The following ST6GAL1 variants were observed in gnomAD, a reference collection of about 807,000 sequenced individuals.
ST6GAL1 encodes ST6 beta-galactoside alpha-2,6-sialyltransferase 1.
Under a neutral mutation model 38.0 loss-of-function variants are expected in ST6GAL1, and 20 were observed. That is an observed-to-expected ratio of 0.53 (90% CI 0.37 to 0.77). The LOEUF (loss-of-function observed/expected upper bound fraction) is 0.77, where lower values mean the gene tolerates loss of function less well. ST6GAL1 is among the 30% of genes least tolerant of loss of function. ST6GAL1 has a pLI of 0.00. For missense variants in ST6GAL1, 432 were observed against 496.4 expected, an observed-to-expected ratio of 0.87 and a Z score of 1.23; for synonymous variants, 196 against 188.2, an observed-to-expected ratio of 1.04 and a Z score of -0.34.
At chr3:186,982,972 G>A (rs532392045) in intron 2 of ST6GAL1, among the ~76,000 whole-genome samples, 28 of 152,028 alleles carry the variant, frequency 1.8e-4, no homozygotes, top group South Asian at 4.2e-4. Flanking sequence ...ATGAGCCACC[G>A]CGCCCAGCCC....
At chr3:187,043,434 G>A (rs1440888427) in intron 4 of ST6GAL1, 124 bp downstream of exon 4, 28 of 1,387,052 alleles carry the variant, frequency 2.0e-5, no homozygotes, top group Non-Finnish European at 2.5e-5. Context: ...CCAGGGCAGT[G>A]TTTTTTTCAG....
At chr3:187,056,436 G>T (rs567187679) in intron 5 of ST6GAL1, among the ~76,000 whole-genome samples, 5 of 152,268 alleles carry the variant, frequency 3.3e-5, no homozygotes, top group Admixed American at 2.0e-4. Context: ...GCAGTGGCTG[G>T]TACCAGTTAT....
At chr3:187,036,500 G>A (rs1717934991) in intron 2 of ST6GAL1, among the ~76,000 whole-genome samples, 1 of 152,144 alleles carries the variant, frequency 6.6e-6, no homozygotes, top group South Asian at 2.1e-4. Context: ...AATCAGCCTA[G>A]GTGCCCATCA....
intron 2 of ST6GAL1, among the ~76,000 whole-genome samples, chr3:187,034,139 A>T (rs2108574229): frequency 6.6e-6 from 1 of 152,306 alleles, no homozygotes; most frequent in African/African-American, 2.4e-5. Context: ...CTCTGTTCAC[A>T]CAAAGTAGAA....
chr3:187,023,454 T>C (rs1423229538), intron 2 of ST6GAL1, among the ~76,000 whole-genome samples: 2 of 152,314 alleles, frequency 1.3e-5, no homozygotes, highest in East Asian at 3.9e-4. Flanking sequence ...CAGCATTTGC[T>C]GAAAGAATGA....
intron 2 of ST6GAL1, among the ~76,000 whole-genome samples, chr3:187,030,128 A>C: frequency 6.6e-6 from 1 of 152,254 alleles, no homozygotes; most frequent in East Asian, 1.9e-4. Flanking sequence ...TATTAATATC[A>C]CAAGGAGTTA....
At chr3:187,066,605 T>TGC (rs1560183478) in intron 5 of ST6GAL1, among the ~76,000 whole-genome samples, 16 of 99,950 alleles carry the variant, frequency 1.6e-4, no homozygotes, top group East Asian at 7.9e-4. Context: ...TGCGTGCGTG[T>TGC]GTGTGTGTGT....
chr3:186,969,090 G>A (rs1402865857), intron 2 of ST6GAL1, among the ~76,000 whole-genome samples: 21 of 141,916 alleles, frequency 1.5e-4, no homozygotes, highest in African/African-American at 5.3e-4. Flanking sequence ...CTCACTCTGT[G>A]GGCCAGGCTG....
At chr3:187,073,811 T>C (rs752026015) in intron 6 of ST6GAL1, 11 of 183,710 alleles carry the variant, frequency 6.0e-5, no homozygotes, top group Non-Finnish European at 1.1e-4. Context: ...TCCTATGCTC[T>C]AGTTTTCTCC....
rs190999472 is a variant in ST6GAL1 at position 186,997,521 on chromosome 3, T to C, written c.-183+33595T>C. Among the ~76,000 whole-genome samples the C allele has an allele frequency of 1.5e-4, 23 of 152,098 alleles. No individual in the cohort carries two copies. The East Asian group carries it at 4.4e-3, about 29-fold the overall frequency. ...CATGCCTCCCAACATTTTGAGAGGC[T>C]GAGGTGGGAGGATTGCTTGAGTCCA... is the stretch of plus-strand genomic sequence containing the variant. On this transcript the variant is annotated intron_variant, in intron 2 of 7. Coordinates refer to ENST00000169298, the MANE Select transcript of ST6GAL1 (RefSeq NM_173216.2).
chr3:187,005,824 C>G (rs1327759529), intron 2 of ST6GAL1, among the ~76,000 whole-genome samples: 1 of 152,070 alleles, frequency 6.6e-6, no homozygotes, highest in Non-Finnish European at 1.5e-5. Flanking sequence ...GAAAGTGCTA[C>G]TAGAATATGG....
intron 5 of ST6GAL1, among the ~76,000 whole-genome samples, chr3:187,069,407 A>C (rs1719285126): frequency 6.6e-6 from 1 of 150,784 alleles, no homozygotes; most frequent in African/African-American, 2.4e-5. Context: ...TCAAATTTCC[A>C]CCCCACCTTA....
intron 4 of ST6GAL1, among the ~76,000 whole-genome samples, chr3:187,048,479 G>A (rs1168130528): frequency 6.6e-6 from 1 of 152,102 alleles, no homozygotes; most frequent in Non-Finnish European, 1.5e-5. Context: ...CAGCTCCAAG[G>A]CATTCCCTGA....
rs1388041690 is a variant in ST6GAL1 at position 187,078,515 on chromosome 3, A to C, written c.*2712A>C. On this transcript the variant is annotated 3_prime_UTR_variant, in exon 8 of 8. Transcript: ENST00000169298. Reference sequence around the variant, plus strand: ...AAATGCTAATAATTACCCAAGGATTATGTCAAATTTTAAAATAAATGTGTG... The same window carrying C: ...AAATGCTAATAATTACCCAAGGATTCTGTCAAATTTTAAAATAAATGTGTG... 6.6e-6 allele frequency: 1 copy of C among 152,186 alleles called. No homozygotes were observed. Among genetic ancestry groups the C allele is most frequent in the Non-Finnish European group, 1.5e-5 (1 of 68,036 alleles). 9.4% of individuals were successfully genotyped at this position (152,186 alleles called of 1,614,324 possible). A position where few individuals can be genotyped will look rare whatever the true frequency, so the allele number is the denominator to read the frequency against.
At position 187,054,224 on chromosome 3, in the gene ST6GAL1, A is replaced by G. The variant is rs369319565; in HGVS notation, c.705+2878A>G. On this transcript the variant is annotated intron_variant, in intron 5 of 7. Coordinates refer to ENST00000169298, the MANE Select transcript of ST6GAL1 (RefSeq NM_173216.2). ...GCTGAGATGATGGGTTTTTCTAAAT[A>G]TACAATCATGTCATCTGCAAACAGG... is the stretch of plus-strand genomic sequence containing the variant. Among the ~76,000 whole-genome samples, 3 of 152,310 alleles carry G rather than the reference A, an allele frequency of 2.0e-5. No individual in the cohort carries two copies. The South Asian group carries it at 6.2e-4, about 32-fold the overall frequency.
intron 2 of ST6GAL1, among the ~76,000 whole-genome samples, chr3:186,979,588 A>G: frequency 6.6e-6 from 1 of 152,274 alleles, no homozygotes; most frequent in East Asian, 1.9e-4. Flanking sequence ...CTTAATACAT[A>G]GTGCTCGGGG....
At chr3:187,065,560 A>T (rs918167938) in intron 5 of ST6GAL1, among the ~76,000 whole-genome samples, 3 of 152,202 alleles carry the variant, frequency 2.0e-5, no homozygotes, top group African/African-American at 7.2e-5. Context: ...TGCAGTTTTG[A>T]CTATAAGAGT....
At chr3:186,967,664 C>T (rs892443700) in intron 2 of ST6GAL1, among the ~76,000 whole-genome samples, 8 of 152,218 alleles carry the variant, frequency 5.3e-5, no homozygotes, top group African/African-American at 1.7e-4. Flanking sequence ...GGTGCCCTGC[C>T]TTCAGCTTTG....
intron 2 of ST6GAL1, among the ~76,000 whole-genome samples, chr3:187,015,751 A>T (rs925453991): frequency 4.0e-5 from 6 of 151,806 alleles, no homozygotes; most frequent in African/African-American, 9.7e-5. Flanking sequence ...AGGTGGGAGG[A>T]TTGGTGGAGG....
Sources: gnomAD v4.1 joint callset for allele counts (sites outside exome capture counted in the v4.1 genomes callset) on GRCh38, gnomAD v4.1.1 for gene constraint, MANE v1.5 for transcripts, NCBI Gene and HGNC (gene_info 2026-07-23, HGNC 2026-07-21) for gene names.